ZNHIT6: variants seen among roughly 807,000 people sequenced by gnomAD.
The protein encoded by ZNHIT6 is zinc finger HIT-type containing 6.
In ZNHIT6, 45 loss-of-function variants were observed where a neutral mutation model predicts 57.2. That is an observed-to-expected ratio of 0.79 (90% CI 0.62 to 1.01). The LOEUF is 1.01. ZNHIT6 is among the 50% of genes least tolerant of loss of function. The pLI, the probability that ZNHIT6 is intolerant of heterozygous loss-of-function variation, is 0.00. For missense variants in ZNHIT6, 528 were observed against 567.3 expected (o/e 0.93, Z 0.70); for synonymous variants, 188 against 190.0 (o/e 0.99, Z 0.09).
At position 85,649,618 on chromosome 1, in the gene ZNHIT6, A is replaced by G. The variant is rs993810808; in HGVS notation, c.*4440T>C. Reference sequence around the variant, plus strand: ...CACACACTTTAGTTTTCAAAGACCAAAGTTTAAAGAAAATACTTTTTAGTC... The same window carrying G: ...CACACACTTTAGTTTTCAAAGACCAGAGTTTAAAGAAAATACTTTTTAGTC... On this transcript the variant is annotated 3_prime_UTR_variant, in exon 10 of 10. Transcript: ENST00000370574. The G allele has an allele frequency of 1.3e-5, 2 of 152,216 alleles. No individual in the cohort carries two copies. Among genetic ancestry groups the G allele is most frequent in the African/African-American group, 4.8e-5 (2 of 41,446 alleles). The allele number at this position is 152,216 out of a possible 1,614,324, so 9.4% of individuals were successfully genotyped here. A position where few individuals can be genotyped will look rare whatever the true frequency, so the allele number is the denominator to read the frequency against.
chr1:85,701,898 G>A (rs998881879), intron 5 of ZNHIT6, among the ~76,000 whole-genome samples: 10 of 151,904 alleles, frequency 6.6e-5, no homozygotes, highest in Non-Finnish European at 2.9e-5. Context: ...CTAGGTGACT[G>A]GTATGCACAT....
chr1:85,662,942 C>T (rs1266925619), intron 8 of ZNHIT6, among the ~76,000 whole-genome samples: 3 of 152,164 alleles, frequency 2.0e-5, no homozygotes, highest in African/African-American at 7.2e-5. Context: ...GAGGGGCTTA[C>T]AAGGCTCTGA....
intron 5 of ZNHIT6, among the ~76,000 whole-genome samples, chr1:85,688,394 T>C (rs1662124895): frequency 6.6e-6 from 1 of 152,224 alleles, no homozygotes; most frequent in Admixed American, 6.5e-5. Context: ...TTACGAGCTT[T>C]CTAGAATTGA....
chr1:85,682,799 T>C (rs1024807821), intron 5 of ZNHIT6, among the ~76,000 whole-genome samples: 2 of 152,196 alleles, frequency 1.3e-5, no homozygotes, highest in Non-Finnish European at 2.9e-5. Flanking sequence ...ATTTACAAAT[T>C]GCCGTATTTT....
chr1:85,663,599 T>TG (rs1661282990), intron 8 of ZNHIT6, among the ~76,000 whole-genome samples: 3 of 152,268 alleles, frequency 2.0e-5, no homozygotes, highest in African/African-American at 7.2e-5. Context: ...TTGCACTTTA[T>TG]GGGGGGAGGC....
chr1:85,675,905 C>A (rs1462633236), intron 8 of ZNHIT6, among the ~76,000 whole-genome samples: 1 of 152,198 alleles, frequency 6.6e-6, no homozygotes, highest in East Asian at 1.9e-4. Flanking sequence ...TTTTCTTCTG[C>A]AGCTCCCTCA....
rs774429761 is a variant in ZNHIT6 at position 85,702,161 on chromosome 1, T to C, written c.1015A>G (p.Lys339Glu). 6 of 1,597,774 alleles carry C rather than the reference T, an allele frequency of 3.8e-6. 1 individual carries two copies. The South Asian group carries it at 6.8e-5, about 18-fold the overall frequency. ...KRKENSTFFD[K>E]KKQQFCWHVK... is the part of the protein sequence containing the mutation. The stretch of plus-strand genomic sequence containing the variant: ...ACTAAAAAGTTAGAAACTTACTTCT[T>C]ATCAAAAAAGGTTGAATTCTCCTTC... The change falls in exon 5 of 10, where the codon AAG (lysine) becomes GAG (glutamate). Residue 339 changes from lysine to glutamate, a missense_variant. Coordinates refer to ENST00000370574, the MANE Select transcript of ZNHIT6 (RefSeq NM_017953.4).
chr1:85,667,961 A>AATATATATATATATAT (rs1553155849), intron 8 of ZNHIT6, among the ~76,000 whole-genome samples: 5 of 18,176 alleles, frequency 2.8e-4, no homozygotes, highest in African/African-American at 8.5e-4. Flanking sequence ...AAAAAAAAAA[A>AATATATATATATATAT]ATATATATAT....
intron 5 of ZNHIT6, among the ~76,000 whole-genome samples, chr1:85,686,037 C>G (rs1396771157): frequency 6.6e-6 from 1 of 151,676 alleles, no homozygotes; most frequent in Non-Finnish European, 1.5e-5. Context: ...TCTCAGCTCA[C>G]TGCAAGCTCC....
At chr1:85,673,025 T>C (rs1432282350) in intron 8 of ZNHIT6, among the ~76,000 whole-genome samples, 1 of 152,180 alleles carries the variant, frequency 6.6e-6, no homozygotes, top group Non-Finnish European at 1.5e-5. Context: ...TGCCCTCTGA[T>C]AGTGCCTGAC....
chr1:85,691,079 T>C (rs926377636), intron 5 of ZNHIT6, among the ~76,000 whole-genome samples: 10 of 152,134 alleles, frequency 6.6e-5, no homozygotes, highest in Non-Finnish European at 1.5e-4. Context: ...ATTTTGAAAT[T>C]GCCTCACAGT....
chr1:85,706,432 A>T lies in ZNHIT6; in HGVS notation c.722+10T>A. ...GATACAGGTTAAAAGGTAGGAAGTT[A>T]CATGTATACCTGCAGGAATATCGCA... On this transcript the variant is annotated intron_variant, in intron 2 of 9. Transcript: ENST00000370574. 1 of 1,613,312 alleles carries T rather than the reference A, an allele frequency of 6.2e-7. No homozygotes were observed. Among genetic ancestry groups the T allele is most frequent in the Non-Finnish European group, 8.5e-7 (1 of 1,179,792 alleles).
chr1:85,667,961 A>AAAAAAAAAAAAAAAAAAAAAAGTATAT lies in ZNHIT6; in HGVS notation c.1247+9274_1247+9275insATATACTTTTTTTTTTTTTTTTTTTTT. On this transcript the variant is annotated intron_variant, in intron 8 of 9. Transcript: ENST00000370574. The stretch of plus-strand genomic sequence containing the variant: ...ACTCTCTCTTTCAAAAAAAAAAAAA[A>AAAAAAAAAAAAAAAAAAAAAAGTATAT]ATATATATATATATATATATATATG... 1.1e-4 allele frequency among the ~76,000 whole-genome samples: 2 copies of AAAAAAAAAAAAAAAAAAAAAAGTATAT among 18,200 alleles called. 1 individual carries two copies. Among genetic ancestry groups the AAAAAAAAAAAAAAAAAAAAAAGTATAT allele is most frequent in the African/African-American group, 4.2e-4 (2 of 4,706 alleles). 11.9% of individuals were successfully genotyped at this position (18,200 alleles called of 152,430 possible).
chr1:85,671,939 T>C (rs896809799), intron 8 of ZNHIT6, among the ~76,000 whole-genome samples: 1 of 152,200 alleles, frequency 6.6e-6, no homozygotes, highest in Non-Finnish European at 1.5e-5. Context: ...ATAAATGTAC[T>C]ATTTGTAATG....
intron 5 of ZNHIT6, among the ~76,000 whole-genome samples, chr1:85,687,304 A>AAAAAAAAAAAAAAAAAAAC (rs1557861153): frequency 7.0e-6 from 1 of 142,680 alleles, no homozygotes; most frequent in South Asian, 2.4e-4. Context: ...AAAAACAAAA[A>AAAAAAAAAAAAAAAAAAAC]AAAAAAACAA....
rs532336595 is a variant in ZNHIT6, at chr1:85,685,473, C to T, written c.1020-4569G>A. Among the ~76,000 whole-genome samples, 3 of 151,892 alleles carry T rather than the reference C, an allele frequency of 2.0e-5. No individual in the cohort carries two copies. In the South Asian group the frequency reaches 6.2e-4, roughly 32 times the overall value. On this transcript the variant is annotated intron_variant, in intron 5 of 9. Transcript: ENST00000370574. ...GCAAGTATGAAGGCCATACCCCAAA[C>T]TTTTAGCTATGATTATTTCTTGACA...
intron 8 of ZNHIT6, among the ~76,000 whole-genome samples, chr1:85,669,550 T>C (rs1296550657): frequency 6.6e-6 from 1 of 152,162 alleles, no homozygotes; most frequent in Non-Finnish European, 1.5e-5. Flanking sequence ...ATAGGCTCTG[T>C]GCAAGTACAA....
intron 9 of ZNHIT6, among the ~76,000 whole-genome samples, chr1:85,656,448 A>T (rs1570279443): frequency 6.6e-6 from 1 of 152,154 alleles, no homozygotes; most frequent in Admixed American, 6.6e-5. Flanking sequence ...AGGAAGCCTT[A>T]CTTGAATGTA....
chr1:85,683,741 G>A (rs1570313012), intron 5 of ZNHIT6, among the ~76,000 whole-genome samples: 1 of 151,932 alleles, frequency 6.6e-6, no homozygotes, highest in Non-Finnish European at 1.5e-5. Context: ...ACATTACTTG[G>A]ATTACTTTCT....
Sources: gnomAD v4.1 joint callset for allele counts (sites outside exome capture counted in the v4.1 genomes callset) on GRCh38, gnomAD v4.1.1 for gene constraint, MANE v1.5 for transcripts, NCBI Gene and HGNC (gene_info 2026-07-23, HGNC 2026-07-21) for gene names.